ACVR1B: variants seen among roughly 807,000 people sequenced by gnomAD.
The protein encoded by ACVR1B is activin A receptor type 1B.
A neutral mutation model predicts 55.6 loss-of-function variants in ACVR1B; 15 were observed. The ratio of observed to expected loss-of-function variants is 0.27; its 90% CI spans 0.18 to 0.42. The LOEUF is 0.42. ACVR1B is among the 10% of genes least tolerant of loss of function. The pLI is 1.00. For missense variants in ACVR1B, 359 were observed against 670.1 expected (o/e 0.54, Z 5.13); for synonymous variants, 247 against 254.6 (o/e 0.97, Z 0.28).
chr12:51,977,099 A>G (rs1941873597), intron 3 of ACVR1B, among the ~76,000 whole-genome samples: 1 of 152,188 alleles, frequency 6.6e-6, no homozygotes, highest in Non-Finnish European at 1.5e-5. Flanking sequence ...GGCCTCCAGC[A>G]TAGCATCAGC....
At chr12:51,965,327 A>G (rs537825554) in intron 1 of ACVR1B, among the ~76,000 whole-genome samples, 3 of 152,144 alleles carry the variant, frequency 2.0e-5, no homozygotes, top group Non-Finnish European at 2.9e-5. Flanking sequence ...TAAGCAGGGG[A>G]AAAAAAGCTA....
intron 3 of ACVR1B, 36 bp from the exon 4 acceptor site, chr12:51,980,933 G>T (rs1941965227): frequency 6.5e-7 from 1 of 1,544,056 alleles, no homozygotes; most frequent in East Asian, 2.3e-5. Context: ...TGTCAAATTT[G>T]CAATGTCAGG....
intron 4 of ACVR1B, 101 bp from the exon 5 acceptor site, chr12:51,983,898 A>C: frequency 8.4e-7 from 1 of 1,195,610 alleles, no homozygotes; most frequent in Non-Finnish European, 1.2e-6. Flanking sequence ...TGAATTCAGG[A>C]GTCTAACCTG....
intron 4 of ACVR1B, among the ~76,000 whole-genome samples, chr12:51,981,844 G>A (rs1275742082): frequency 2.3e-5 from 3 of 129,570 alleles, no homozygotes; most frequent in East Asian, 2.1e-4. Context: ...GCGAGACTCC[G>A]TCTCAAAAAA....
chr12:51,991,073 T>A (rs1592263113), intron 7 of ACVR1B, among the ~76,000 whole-genome samples: 1 of 152,332 alleles, frequency 6.6e-6, no homozygotes, highest in East Asian at 1.9e-4. Context: ...TTCCCCTACA[T>A]ATGTATTTGG....
chr12:51,953,079 C>G (rs898068839), intron 1 of ACVR1B, among the ~76,000 whole-genome samples: 4 of 152,074 alleles, frequency 2.6e-5, no homozygotes, highest in Non-Finnish European at 4.4e-5. Flanking sequence ...ATTATTGACC[C>G]ACAGATGGAT....
At chr12:51,951,942 A>G (rs1330293075) in intron 1 of ACVR1B, 108 bp downstream of exon 1, 6 of 603,534 alleles carry the variant, frequency 9.9e-6, no homozygotes, top group African/African-American at 6.0e-5. Context: ...CACGAGCACA[A>G]TATGGCCGGG....
intron 8 of ACVR1B, 161 bp downstream of exon 8, chr12:51,992,154 A>T: frequency 1.1e-6 from 1 of 918,614 alleles, no homozygotes; most frequent in Non-Finnish European, 1.6e-6. Flanking sequence ...CTTTAGGGCT[A>T]CAGTCTCTTG....
chr12:51,983,340 G>C (rs1218018580), intron 4 of ACVR1B, among the ~76,000 whole-genome samples: 1 of 152,204 alleles, frequency 6.6e-6, no homozygotes, highest in Non-Finnish European at 1.5e-5. Flanking sequence ...TTGCTCCTCT[G>C]AAGGATGAGA....
intron 1 of ACVR1B, among the ~76,000 whole-genome samples, chr12:51,961,636 T>C (rs1245852570): frequency 1.3e-5 from 2 of 152,190 alleles, no homozygotes; most frequent in Admixed American, 6.5e-5. Context: ...CTCTTCTCAC[T>C]CAAAACTGTG....
rs994846237 is a variant in ACVR1B, at chr12:51,994,178, G to A, written c.*68G>A. 3.4e-5 allele frequency: 53 copies of A among 1,580,680 alleles called. No homozygotes were observed. Among genetic ancestry groups the A allele is most frequent in the African/African-American group, 2.7e-4 (20 of 74,580 alleles). On this transcript the variant is annotated 3_prime_UTR_variant, in exon 9 of 9. Coordinates refer to ENST00000257963, the MANE Select transcript of ACVR1B (RefSeq NM_004302.5). This position sits in a 1 kb window ranked among gnomAD's most constrained non-coding sequence, Gnocchi z 4.2. ...CGCACAGCTGCCGCGTTGAGCGTAC[G>A]ATGGAGGCCTACCTCTCGTTTCTGC...
chr12:51,967,897 C>T (rs982883779), intron 1 of ACVR1B, among the ~76,000 whole-genome samples: 1 of 152,186 alleles, frequency 6.6e-6, no homozygotes, highest in East Asian at 1.9e-4. Flanking sequence ...TTATATCTCC[C>T]TAAAGGTGCT....
intron 3 of ACVR1B, among the ~76,000 whole-genome samples, chr12:51,980,381 A>T (rs1009206834): frequency 9.9e-5 from 15 of 152,194 alleles, no homozygotes; most frequent in African/African-American, 3.6e-4. Context: ...AGCAATGTTG[A>T]GTTTTATAAA....
chr12:51,974,573 T>C (rs933430922), intron 1 of ACVR1B, among the ~76,000 whole-genome samples: 10 of 152,170 alleles, frequency 6.6e-5, no homozygotes, highest in African/African-American at 2.4e-4. Flanking sequence ...CAGGGGCCTT[T>C]CAGGATGGGT....
chr12:51,993,793 AAAAAAAAAAAAG>A (rs1309412525), intron 8 of ACVR1B, among the ~76,000 whole-genome samples, 180 bp from the exon 9 acceptor site: 2 of 145,704 alleles, frequency 1.4e-5, no homozygotes, highest in African/African-American at 5.1e-5. Context: ...AAAAAAAAAA[AAAAAAAAAAAAG>A]GAAGAGCCAG....
At chr12:51,954,897 C>T (rs1390584468) in intron 1 of ACVR1B, among the ~76,000 whole-genome samples, 1 of 152,208 alleles carries the variant, frequency 6.6e-6, no homozygotes, top group East Asian at 1.9e-4. Context: ...AGCAGAAAAA[C>T]ATACTCTGTG....
intron 6 of ACVR1B, among the ~76,000 whole-genome samples, chr12:51,985,653 G>C (rs558161035): frequency 2.6e-5 from 4 of 152,222 alleles, no homozygotes; most frequent in African/African-American, 7.2e-5. Flanking sequence ...CAGGCAACAG[G>C]TGTGGCTCGG....
At chr12:51,980,293 G>A in intron 3 of ACVR1B, among the ~76,000 whole-genome samples, 1 of 152,142 alleles carries the variant, frequency 6.6e-6, no homozygotes. Flanking sequence ...GATTGGGGGT[G>A]GGAGTAAGAC....
intron 3 of ACVR1B, among the ~76,000 whole-genome samples, chr12:51,979,371 G>A (rs1388812231): frequency 1.3e-5 from 2 of 150,452 alleles, no homozygotes; most frequent in African/African-American, 2.5e-5. Context: ...GAAGGCTGAG[G>A]CAGGAGAATC....
Sources: gnomAD v4.1 joint callset for allele counts (sites outside exome capture counted in the v4.1 genomes callset) on GRCh38, gnomAD v4.1.1 for gene constraint, Gnocchi (gnomAD v3.1) non-coding constraint, MANE v1.5 for transcripts, NCBI Gene and HGNC (gene_info 2026-07-23, HGNC 2026-07-21) for gene names.